MPPED2: variants seen among roughly 807,000 people sequenced by gnomAD.
MPPED2 encodes the protein metallophosphoesterase domain containing 2.
In MPPED2, 5 loss-of-function variants were observed where a neutral mutation model predicts 33.0. The observed-to-expected ratio is 0.15, with a 90% CI of 0.08 to 0.32. MPPED2 has a LOEUF of 0.32. Among genes scored for constraint, MPPED2 ranks in the 10% least tolerant of loss-of-function variants. The pLI, the probability that MPPED2 is intolerant of heterozygous loss-of-function variation, is 1.00. For missense variants in MPPED2, 275 were observed against 372.1 expected (o/e 0.74, Z 2.15); for synonymous variants, 136 against 141.9 (o/e 0.96, Z 0.29).
intron 4 of MPPED2, among the ~76,000 whole-genome samples, chr11:30,493,012 AATT>A (rs1952052614): frequency 6.6e-6 from 1 of 152,220 alleles, no homozygotes; most frequent in Non-Finnish European, 1.5e-5. Flanking sequence ...GGAAGTACTT[AATT>A]AAGAGTTCAA....
intron 3 of MPPED2, among the ~76,000 whole-genome samples, chr11:30,532,809 A>C (rs1954599525): frequency 6.6e-6 from 1 of 152,170 alleles, no homozygotes; most frequent in Admixed American, 6.5e-5. Flanking sequence ...TTATCTGATA[A>C]ATTACGCATG....
At chr11:30,507,689 GC>G (rs529102934) in intron 3 of MPPED2, among the ~76,000 whole-genome samples, 20 of 152,246 alleles carry the variant, frequency 1.3e-4, no homozygotes, top group Admixed American at 1.0e-3. Context: ...TACTATAAGA[GC>G]TACCCTGAAT....
At chr11:30,540,086 C>G (rs1248858101) in intron 2 of MPPED2, among the ~76,000 whole-genome samples, 3 of 152,168 alleles carry the variant, frequency 2.0e-5, no homozygotes, top group Non-Finnish European at 4.4e-5. Context: ...GGCCTGGAAC[C>G]TGAAGACTAA....
chr11:30,518,484 G>T (rs147097926), intron 3 of MPPED2, among the ~76,000 whole-genome samples: 1 of 152,150 alleles, frequency 6.6e-6, no homozygotes, highest in East Asian at 1.9e-4. Flanking sequence ...AATGTGATAC[G>T]TTTTTAATAA....
intron 5 of MPPED2, among the ~76,000 whole-genome samples, chr11:30,416,568 C>T (rs1948368606): frequency 6.6e-6 from 1 of 152,118 alleles, no homozygotes; most frequent in African/African-American, 2.4e-5. Flanking sequence ...TCTCTCCAAA[C>T]CAAGATGATT....
chr11:30,411,645 A>G, intron 6 of MPPED2, 59 bp from the exon 7 acceptor site: 10 of 1,449,492 alleles, frequency 6.9e-6, no homozygotes, highest in Non-Finnish European at 9.3e-6. Flanking sequence ...GATGGAATGT[A>G]GGGCTGTCAG....
intron 2 of MPPED2, among the ~76,000 whole-genome samples, chr11:30,553,979 C>T (rs1955842784): frequency 6.6e-6 from 1 of 152,206 alleles, no homozygotes; most frequent in African/African-American, 2.4e-5. Flanking sequence ...AGGACTATTG[C>T]TTCTTTTTGT....
chr11:30,489,030 C>CT (rs1434568708), intron 4 of MPPED2, among the ~76,000 whole-genome samples: 2 of 138,558 alleles, frequency 1.4e-5, no homozygotes, highest in African/African-American at 5.3e-5. Flanking sequence ...TCTTTCTTTT[C>CT]TTTTTTCTTC....
chr11:30,585,490 T>C (rs1957420744), intron 1 of MPPED2, among the ~76,000 whole-genome samples: 2 of 151,952 alleles, frequency 1.3e-5, no homozygotes, highest in Admixed American at 6.5e-5. Flanking sequence ...AGCCCGGGGA[T>C]CGGGCCAACA....
In MPPED2 at chr11:30,573,914, T is replaced by C. The variant is rs116224834; in HGVS notation, c.128+6332A>G. On this transcript the variant is annotated intron_variant, in intron 2 of 6. Transcript: ENST00000358117. ...AAAAGCAGCTTATAGAATAAGAATA[T>C]AAAGAAAGAAAACATTTTTGTACAG... 7.3e-3 allele frequency among the ~76,000 whole-genome samples: 1,114 copies of C among 152,212 alleles called. 15 individuals carry two copies. Among genetic ancestry groups the C allele is most frequent in the African/African-American group, 0.026 (1,067 of 41,532 alleles).
intron 3 of MPPED2, among the ~76,000 whole-genome samples, chr11:30,531,175 TA>T (rs1352211296): frequency 4.6e-5 from 7 of 152,226 alleles, no homozygotes; most frequent in Non-Finnish European, 8.8e-5. Flanking sequence ...ACTATCACTT[TA>T]AAAAGTATTT....
chr11:30,401,322 T>C (rs1273894734), intron 6 of MPPED2, among the ~76,000 whole-genome samples: 3 of 152,168 alleles, frequency 2.0e-5, no homozygotes, highest in African/African-American at 7.2e-5. Context: ...GGTTCTCTCT[T>C]TGGCCTAACT....
At chr11:30,413,183 C>T (rs1332915668) in intron 6 of MPPED2, among the ~76,000 whole-genome samples, 1 of 152,210 alleles carries the variant, frequency 6.6e-6, no homozygotes, top group Non-Finnish European at 1.5e-5. Flanking sequence ...CTTTATTACC[C>T]ACCTAACCAG....
intron 4 of MPPED2, among the ~76,000 whole-genome samples, chr11:30,427,084 T>G (rs188667018): frequency 6.6e-6 from 1 of 152,276 alleles, no homozygotes; most frequent in East Asian, 1.9e-4. Flanking sequence ...TGCCTCCTCT[T>G]CCCCATCCTA....
At chr11:30,523,492 A>G (rs1265069110) in intron 3 of MPPED2, among the ~76,000 whole-genome samples, 1 of 152,108 alleles carries the variant, frequency 6.6e-6, no homozygotes, top group Non-Finnish European at 1.5e-5. Flanking sequence ...CAACAAAATG[A>G]TCATGTCTAA....
Position 30,550,152 on chromosome 11 carries a change from C to A in MPPED2, c.129-13977G>T, listed in dbSNP as rs572758829. On this transcript the variant is annotated intron_variant, in intron 2 of 6. Transcript: ENST00000358117. ...TAAATTTGATTAGCACTGGGGCTGG[C>A]GCTGTTCCGTGGAGGCAATGTGATT... Among the ~76,000 whole-genome samples the A allele has an allele frequency of 9.2e-5, 14 of 152,258 alleles. No individual in the cohort carries two copies. In the East Asian group the frequency reaches 1.5e-3, roughly 17 times the overall value.
chr11:30,499,674 CAT>C, intron 3 of MPPED2, among the ~76,000 whole-genome samples: 1 of 152,156 alleles, frequency 6.6e-6, no homozygotes, highest in Admixed American at 6.6e-5. Flanking sequence ...TACACACACA[CAT>C]ACGTGCCTCA....
At chr11:30,545,353 G>A (rs1955356958) in intron 2 of MPPED2, among the ~76,000 whole-genome samples, 1 of 152,128 alleles carries the variant, frequency 6.6e-6, no homozygotes, top group African/African-American at 2.4e-5. Context: ...GAAGGCAACA[G>A]GAAATTGATG....
intron 3 of MPPED2, among the ~76,000 whole-genome samples, chr11:30,533,187 G>A (rs1333778820): frequency 1.3e-5 from 2 of 152,144 alleles, no homozygotes; most frequent in East Asian, 1.9e-4. Context: ...GTGTACTTGG[G>A]TGGATACTCA....
Sources: gnomAD v4.1 joint callset for allele counts (sites outside exome capture counted in the v4.1 genomes callset) on GRCh38, gnomAD v4.1.1 for gene constraint, MANE v1.5 for transcripts, NCBI Gene and HGNC (gene_info 2026-07-23, HGNC 2026-07-21) for gene names.